ASAP1: variants seen among roughly 807,000 people sequenced by gnomAD.
ASAP1 encodes ArfGAP with SH3 domain, ankyrin repeat and PH domain 1.
Under a neutral mutation model 145.2 loss-of-function variants are expected in ASAP1, and 43 were observed. That is an observed-to-expected ratio of 0.30 (90% confidence interval 0.23 to 0.38). The LOEUF is 0.38. Among genes scored for constraint, ASAP1 ranks in the 10% least tolerant of loss-of-function variants. The pLI, the probability that ASAP1 is intolerant of heterozygous loss-of-function variation, is 1.00. For synonymous variants in ASAP1, 546 were observed against 515.5 expected (o/e 1.06, Z -0.80); for missense variants, 1,018 against 1,355.3 (o/e 0.75, Z 3.91).
intron 24 of ASAP1, among the ~76,000 whole-genome samples, chr8:130,100,579 T>A (rs2097527054): frequency 6.6e-6 from 1 of 152,166 alleles, no homozygotes; most frequent in African/African-American, 2.4e-5. Flanking sequence ...TCTACCCACC[T>A]CGGCCTCCCA....
At chr8:130,176,012 T>G (rs187798862) in intron 9 of ASAP1, among the ~76,000 whole-genome samples, 80 of 152,340 alleles carry the variant, frequency 5.3e-4, no homozygotes, top group Admixed American at 1.0e-3. Context: ...CTGGAGGATA[T>G]GTCTGTTTGG....
chr8:130,166,807 C>A lies in ASAP1; in HGVS notation c.909+729G>T, dbSNP rs550732051. Reference sequence around the variant, plus strand: ...ATGCATTCTATGCTCTTTCAATATCCAAGGACCAACTCACCTCAAATTTCC... The same window carrying A: ...ATGCATTCTATGCTCTTTCAATATCAAAGGACCAACTCACCTCAAATTTCC... On this transcript the variant is annotated intron_variant, in intron 11 of 29. Transcript: ENST00000518721. 2.6e-5 allele frequency among the ~76,000 whole-genome samples: 4 copies of A among 152,292 alleles called. No individual in the cohort carries two copies. In the South Asian group the frequency reaches 8.3e-4, roughly 32 times the overall value.
intron 3 of ASAP1, among the ~76,000 whole-genome samples, chr8:130,241,288 T>C (rs1465487153): frequency 6.6e-6 from 1 of 152,100 alleles, no homozygotes; most frequent in Non-Finnish European, 1.5e-5. Context: ...CAAGGGTTAC[T>C]CTCAAATGCA....
intron 2 of ASAP1, among the ~76,000 whole-genome samples, chr8:130,397,955 T>A (rs139892754): frequency 3.3e-4 from 50 of 152,356 alleles, no homozygotes; most frequent in Admixed American, 2.0e-3. Context: ...CTAGCCAGGT[T>A]ACTGGCACAT....
chr8:130,058,228 G>A, intron 28 of ASAP1, 152 bp from the exon 29 acceptor site: 1 of 798,748 alleles, frequency 1.3e-6, no homozygotes, highest in Non-Finnish European at 2.0e-6. Flanking sequence ...AAGAGTGTCT[G>A]TCAGGCACCC....
intron 2 of ASAP1, among the ~76,000 whole-genome samples, chr8:130,401,230 AT>A (rs1828783069): frequency 6.6e-6 from 1 of 151,364 alleles, no homozygotes. Context: ...AGTAAATGAA[AT>A]TTTATTTTAT....
intron 25 of ASAP1, among the ~76,000 whole-genome samples, chr8:130,090,050 C>A (rs963342677): frequency 6.6e-6 from 1 of 152,110 alleles, no homozygotes; most frequent in African/African-American, 2.4e-5. Context: ...AGCTCACTGT[C>A]AGGCACTCTT....
chr8:130,103,318 G>A (rs1285417446), intron 24 of ASAP1, among the ~76,000 whole-genome samples: 2 of 151,200 alleles, frequency 1.3e-5, no homozygotes, highest in Non-Finnish European at 2.9e-5. Flanking sequence ...CTAGCTAAAG[G>A]CTTGTCAATT....
Position 130,058,552 on chromosome 8 carries a change from T to G in ASAP1, c.3193-476A>C, listed in dbSNP as rs139042649. Among the ~76,000 whole-genome samples the G allele has an allele frequency of 2.4e-3, 372 of 152,338 alleles. 1 individual carries two copies. Among genetic ancestry groups the G allele is most frequent in the African/African-American group, 8.6e-3 (358 of 41,576 alleles). ...CCCCTCATGCAAAACAGCAAGTCAG[T>G]ACATGCTGGTTAAACACAGCAGGAT... On this transcript the variant is annotated intron_variant, in intron 28 of 29. Coordinates refer to ENST00000518721, the MANE Select transcript of ASAP1 (RefSeq NM_018482.4).
chr8:130,174,715 G>A (rs927843661), intron 9 of ASAP1, among the ~76,000 whole-genome samples: 1 of 152,148 alleles, frequency 6.6e-6, no homozygotes, highest in Admixed American at 6.5e-5. Flanking sequence ...CTAAACAAAG[G>A]GGTTTAGAGA....
At chr8:130,395,465 G>A (rs1828483938) in intron 2 of ASAP1, among the ~76,000 whole-genome samples, 2 of 152,216 alleles carry the variant, frequency 1.3e-5, no homozygotes, top group South Asian at 4.1e-4. Context: ...AGAGAGAAGA[G>A]AGGCACACAG....
intron 2 of ASAP1, chr8:130,360,809 T>C (rs891485617): frequency 3.3e-5 from 5 of 152,296 alleles, no homozygotes; most frequent in African/African-American, 7.2e-5. Context: ...CACTTGCTCA[T>C]GTGCCATAGT....
intron 27 of ASAP1, among the ~76,000 whole-genome samples, chr8:130,074,617 C>T (rs1453610700): frequency 6.6e-6 from 1 of 152,112 alleles, no homozygotes; most frequent in Non-Finnish European, 1.5e-5. Flanking sequence ...TGGAGGGACA[C>T]CTGCTGGAGT....
intron 11 of ASAP1, among the ~76,000 whole-genome samples, chr8:130,161,912 C>T (rs770191986): frequency 4.6e-5 from 7 of 152,094 alleles, no homozygotes; most frequent in Non-Finnish European, 7.4e-5. Flanking sequence ...ATGAGTCTCT[C>T]GCCTCAGCCT....
At chr8:130,256,710 C>A (rs1819536012) in intron 3 of ASAP1, among the ~76,000 whole-genome samples, 1 of 130,670 alleles carries the variant, frequency 7.7e-6, no homozygotes. Flanking sequence ...AAAGAAAATT[C>A]AAAATCTTCT....
At chr8:130,104,104 T>A (rs1297339171) in intron 24 of ASAP1, among the ~76,000 whole-genome samples, 1 of 152,114 alleles carries the variant, frequency 6.6e-6, no homozygotes, top group African/African-American at 2.4e-5. Context: ...TCTCCACAGC[T>A]CTCCTGCCAG....
chr8:130,109,142 A>T (rs2097542603), intron 24 of ASAP1, among the ~76,000 whole-genome samples: 1 of 152,070 alleles, frequency 6.6e-6, no homozygotes, highest in African/African-American at 2.4e-5. Flanking sequence ...CTGATCACAA[A>T]CGAGAAACTA....
chr8:130,313,129 G>A (rs1201042716), intron 3 of ASAP1, among the ~76,000 whole-genome samples: 1 of 152,156 alleles, frequency 6.6e-6, no homozygotes, highest in Non-Finnish European at 1.5e-5. Context: ...TGTTCTCCTA[G>A]TTTAGTTTCT....
At position 130,053,504 on chromosome 8, in the gene ASAP1, A is replaced by G. The variant is rs2134963506; in HGVS notation, c.*1227T>C. 6.6e-6 allele frequency: 1 copy of G among 152,344 alleles called. No individual in the cohort carries two copies. The highest frequency in any genetic ancestry group is 3.4e-3 in the Middle Eastern group (1 of 294). The allele number at this position is 152,344 out of a possible 1,614,324, so 9.4% of individuals were successfully genotyped here. The stretch of plus-strand genomic sequence containing the variant: ...CATAGCAGCGTTCAAAAACTTGGTT[A>G]TGAATTGACTTGAAGGTGGACAGAG... On this transcript the variant is annotated 3_prime_UTR_variant, in exon 30 of 30. Coordinates refer to ENST00000518721, the MANE Select transcript of ASAP1 (RefSeq NM_018482.4).
Sources: allele counts gnomAD v4.1 joint callset (sites outside exome capture counted in the v4.1 genomes callset), GRCh38; gene constraint gnomAD v4.1.1; transcripts MANE v1.5; gene names NCBI Gene and HGNC (gene_info 2026-07-23, HGNC 2026-07-21).